The following MBD5 variants were observed in gnomAD, a reference collection of about 807,000 sequenced individuals.
The protein encoded by MBD5 is methyl-CpG binding domain protein 5, also known as methyl-CpG-binding domain protein 5.
MBD5 carries 13 observed loss-of-function variants against 117.3 expected under a neutral mutation model. The ratio of observed to expected loss-of-function variants is 0.11; its 90% CI spans 0.07 to 0.18. MBD5 has a LOEUF of 0.18. Among genes scored for constraint, MBD5 ranks in the 10% least tolerant of loss-of-function variants. The pLI, the probability that MBD5 is intolerant of heterozygous loss-of-function variation, is 1.00. For missense variants in MBD5, 1,879 were observed against 2,093.8 expected (o/e 0.90, Z 2.00); for synonymous variants, 727 against 766.4 (o/e 0.95, Z 0.85).
At chr2:148,046,679 T>A (rs1694543778) in intron 1 of MBD5, among the ~76,000 whole-genome samples, 1 of 152,178 alleles carries the variant, frequency 6.6e-6, no homozygotes, top group South Asian at 2.1e-4. Flanking sequence ...GTTATGCACA[T>A]TGCTGCTAGT....
rs1000804593 is a variant in MBD5, at chr2:148,504,478, A to G, written c.5036+1969A>G. On this transcript the variant is annotated intron_variant, in intron 12 of 13. Coordinates refer to ENST00000642680, the MANE Select transcript of MBD5 (RefSeq NM_001378120.1). ...CAACTGATAAATTATATGTTGAACC[A>G]AATCATTTTTTAATTTATGCATTTA... Among the ~76,000 whole-genome samples, 6 of 152,320 alleles carry G rather than the reference A, an allele frequency of 3.9e-5. No individual in the cohort carries two copies. The East Asian group carries it at 5.8e-4, about 15-fold the overall frequency.
At chr2:148,236,371 C>T (rs1700092412) in intron 3 of MBD5, among the ~76,000 whole-genome samples, 1 of 152,120 alleles carries the variant, frequency 6.6e-6, no homozygotes, top group South Asian at 2.1e-4. Context: ...CTTAAGTAGA[C>T]TTGAAAGTCG....
intron 1 of MBD5, among the ~76,000 whole-genome samples, chr2:148,115,525 A>T (rs1209239060): frequency 6.6e-6 from 1 of 152,208 alleles, no homozygotes; most frequent in Non-Finnish European, 1.5e-5. Flanking sequence ...GTACTAAAAT[A>T]TTCCCTATTG....
At chr2:148,272,280 A>C (rs1370486814) in intron 3 of MBD5, among the ~76,000 whole-genome samples, 1 of 152,152 alleles carries the variant, frequency 6.6e-6, no homozygotes, top group East Asian at 1.9e-4. Context: ...TTGAAAGACT[A>C]TTTCATTTCC....
chr2:148,022,297 A>G (rs1693771822), intron 1 of MBD5, among the ~76,000 whole-genome samples: 2 of 151,800 alleles, frequency 1.3e-5, no homozygotes, highest in Admixed American at 1.3e-4. Context: ...TCAAATTTTT[A>G]GTTGGTAGAG....
intron 3 of MBD5, among the ~76,000 whole-genome samples, chr2:148,297,463 T>C (rs910662217): frequency 2.6e-5 from 4 of 152,194 alleles, no homozygotes; most frequent in Admixed American, 6.5e-5. Context: ...TGATCTGTTA[T>C]GCTGTTTGCT....
At chr2:148,501,413 A>G (rs1681867888) in intron 11 of MBD5, among the ~76,000 whole-genome samples, 1 of 152,148 alleles carries the variant, frequency 6.6e-6, no homozygotes, top group African/African-American at 2.4e-5. Flanking sequence ...AATGGGAGTA[A>G]AGTGGCTGGC....
Position 148,213,087 on chromosome 2 carries a change from G to A in MBD5, c.-830-20158G>A, listed in dbSNP as rs561328234. On this transcript the variant is annotated intron_variant, in intron 2 of 13. Coordinates refer to ENST00000642680, the MANE Select transcript of MBD5 (RefSeq NM_001378120.1). ...CCAGCCAGTAAGCTCTTTGAAAGCA[G>A]GAACTGCCGTTTTTCTCTTGGCTTT... Among the ~76,000 whole-genome samples, 29 of 152,284 alleles carry A rather than the reference G, an allele frequency of 1.9e-4. No individual in the cohort carries two copies. In the Middle Eastern group the frequency reaches 0.01, roughly 54 times the overall value.
chr2:148,434,770 C>T (rs1433857487), intron 4 of MBD5, among the ~76,000 whole-genome samples: 4 of 152,082 alleles, frequency 2.6e-5, no homozygotes, highest in African/African-American at 7.2e-5. Flanking sequence ...CTGTTATGTC[C>T]GTTTGGTCAA....
intron 1 of MBD5, among the ~76,000 whole-genome samples, chr2:148,091,325 A>G (rs1196841182): frequency 1.3e-5 from 2 of 152,142 alleles, no homozygotes; most frequent in East Asian, 1.9e-4. Context: ...TTCATATAGA[A>G]CCAAAAAAGA....
chr2:148,296,786 T>A, intron 3 of MBD5: 1 of 152,154 alleles, frequency 6.6e-6, no homozygotes, highest in East Asian at 1.9e-4. Context: ...TGTCTCTTTA[T>A]TAATATTGTA....
chr2:148,496,704 C>T (rs1199961332), intron 11 of MBD5, among the ~76,000 whole-genome samples: 1 of 152,142 alleles, frequency 6.6e-6, no homozygotes, highest in Non-Finnish European at 1.5e-5. Flanking sequence ...AATGGATTTA[C>T]CCCCGTCCTG....
chr2:148,089,564 G>T (rs2105220038), intron 1 of MBD5, among the ~76,000 whole-genome samples: 1 of 152,044 alleles, frequency 6.6e-6, no homozygotes, highest in Non-Finnish European at 1.5e-5. Context: ...ACACATACAT[G>T]GAAATTAAAG....
chr2:148,365,225 G>A (rs1358273253), intron 4 of MBD5, among the ~76,000 whole-genome samples: 3 of 152,080 alleles, frequency 2.0e-5, no homozygotes, highest in African/African-American at 7.2e-5. Context: ...TAAACAACCT[G>A]CTCCTGAATA....
At chr2:148,252,636 A>T (rs530515687) in intron 3 of MBD5, among the ~76,000 whole-genome samples, 2 of 152,040 alleles carry the variant, frequency 1.3e-5, no homozygotes, top group East Asian at 1.9e-4. Context: ...TGCAGCCTCG[A>T]CCTCCCAGGC....
intron 3 of MBD5, among the ~76,000 whole-genome samples, chr2:148,315,041 G>A (rs1411593088): frequency 6.6e-6 from 1 of 152,046 alleles, no homozygotes; most frequent in Admixed American, 6.6e-5. Context: ...TGAGGAGAGG[G>A]GGACTAAGAA....
At chr2:148,206,368 G>C (rs991769748) in intron 2 of MBD5, among the ~76,000 whole-genome samples, 4 of 152,074 alleles carry the variant, frequency 2.6e-5, no homozygotes, top group Non-Finnish European at 4.4e-5. Flanking sequence ...ACACATTTAT[G>C]GGGTACATAT....
At chr2:148,358,864 A>T (rs1212092397) in intron 4 of MBD5, among the ~76,000 whole-genome samples, 1 of 152,150 alleles carries the variant, frequency 6.6e-6, no homozygotes, top group Admixed American at 6.6e-5. Context: ...GAAATAATCT[A>T]ATCTCTACCT....
chr2:148,479,345 G>T lies in MBD5; in HGVS notation c.2519-3765G>T, dbSNP rs189610576. Among the ~76,000 whole-genome samples, 23 of 152,146 alleles carry T rather than the reference G, an allele frequency of 1.5e-4. No homozygotes were observed. The East Asian group carries it at 4.4e-3, about 29-fold the overall frequency. On this transcript the variant is annotated intron_variant, in intron 8 of 13. Transcript: ENST00000642680. ...TTCATTTTCACTTTCTCCACAAACGGGTGGTATTCTTTCCCTTTGTCCACA... is the reference window on the plus strand; with the variant it reads ...TTCATTTTCACTTTCTCCACAAACGTGTGGTATTCTTTCCCTTTGTCCACA...
Sources: gnomAD v4.1 joint callset for allele counts (sites outside exome capture counted in the v4.1 genomes callset) on GRCh38, gnomAD v4.1.1 for gene constraint, MANE v1.5 for transcripts, NCBI Gene and HGNC (gene_info 2026-07-23, HGNC 2026-07-21) for gene names.